COL4A1: variants seen among roughly 807,000 people sequenced by gnomAD.
COL4A1 encodes collagen alpha-1(IV) chain.
Under a neutral mutation model 216.6 loss-of-function variants are expected in COL4A1, and 40 were observed. The ratio of observed to expected loss-of-function variants is 0.18; its 90% CI spans 0.14 to 0.24. The LOEUF is 0.24. COL4A1 is among the 10% of genes least tolerant of loss of function. The pLI, the probability that COL4A1 is intolerant of heterozygous loss-of-function variation, is 1.00. For missense variants in COL4A1, 1,628 were observed against 2,196.8 expected (o/e 0.74, Z 5.18); for synonymous variants, 839 against 810.7 (o/e 1.03, Z -0.59).
intron 24 of COL4A1, among the ~76,000 whole-genome samples, chr13:110,190,151 C>G (rs137950633): frequency 2.0e-5 from 3 of 151,470 alleles, no homozygotes; most frequent in African/African-American, 7.3e-5. Flanking sequence ...ATTCTATTTA[C>G]GGGAGAAATC....
chr13:110,231,374 T>C (rs1254256161), intron 2 of COL4A1, among the ~76,000 whole-genome samples: 1 of 152,104 alleles, frequency 6.6e-6, no homozygotes, highest in Non-Finnish European at 1.5e-5. Context: ...AAACCTGACG[T>C]CAAACAGGGA....
At chr13:110,250,894 T>G (rs1427789660) in intron 1 of COL4A1, among the ~76,000 whole-genome samples, 1 of 152,120 alleles carries the variant, frequency 6.6e-6, no homozygotes, top group Non-Finnish European at 1.5e-5. Flanking sequence ...TGAGAGACAT[T>G]TCGTTCTCTC....
chr13:110,172,156 G>T (rs1001154810), intron 41 of COL4A1, among the ~76,000 whole-genome samples: 3 of 152,218 alleles, frequency 2.0e-5, no homozygotes, highest in African/African-American at 7.2e-5. Flanking sequence ...GTGAGCTCCT[G>T]GCTGCGGCCA....
rs1282862673 is a variant in COL4A1 at position 110,174,862 on chromosome 13, C to T, written c.3199-113G>A. On this transcript the variant is annotated intron_variant, in intron 37 of 51. Coordinates refer to ENST00000375820, the MANE Select transcript of COL4A1 (RefSeq NM_001845.6). ...GTGCAATGAATATTGCATTGCAAAA[C>T]TCCATTTCCAGATTTCTCATCAAAG... 2.3e-5 allele frequency: 24 copies of T among 1,065,904 alleles called. No individual in the cohort carries two copies. The Admixed American group carries it at 3.9e-4, about 17-fold the overall frequency. 66.0% of individuals were successfully genotyped at this position (1,065,904 alleles called of 1,614,324 possible).
intron 39 of COL4A1, 132 bp from the exon 40 acceptor site, chr13:110,174,130 C>T (rs1201528735): frequency 2.0e-6 from 2 of 1,021,188 alleles, no homozygotes; most frequent in African/African-American, 3.2e-5. Flanking sequence ...TTCCTGAGGT[C>T]AGTTCTGACT....
chr13:110,306,198 A>C (rs1644464519), intron 1 of COL4A1, among the ~76,000 whole-genome samples: 2 of 152,260 alleles, frequency 1.3e-5, no homozygotes, highest in Non-Finnish European at 2.9e-5. Flanking sequence ...AACCAAAGGA[A>C]ATGAAAACTA....
intron 1 of COL4A1, among the ~76,000 whole-genome samples, chr13:110,302,754 T>C (rs1884545077): frequency 6.6e-6 from 1 of 152,210 alleles, no homozygotes; most frequent in African/African-American, 2.4e-5. Flanking sequence ...TGCATAAGAA[T>C]GGTAGGAATA....
In COL4A1 at chr13:110,161,207, C is replaced by T; in HGVS notation, c.4625G>A (p.Arg1542Lys). 4 of 1,614,208 alleles carry T rather than the reference C, an allele frequency of 2.5e-6. No individual in the cohort carries two copies. Among genetic ancestry groups the T allele is most frequent in the Non-Finnish European group, 3.4e-6 (4 of 1,180,042 alleles). The change falls in exon 49 of 52, where the codon AGA becomes AAA. Residue 1542 changes from arginine to lysine, a missense_variant. Physicochemically the swap from Arg to Lys is conservative, Grantham distance 26 (BLOSUM62 2). Around this residue, in one of 8 missense-constraint regions of COL4A1, gnomAD observed 254 missense variants for 300.1 expected, o/e 0.85. Transcript: ENST00000375820. ...CTCGACTCACCTACTAATAAATGGTCTTATGTTTTCCCCCGTGATGGGTGC... is the reference window on the plus strand; with the variant it reads ...CTCGACTCACCTACTAATAAATGGTTTTATGTTTTCCCCCGTGATGGGTGC... Reference protein sequence around the residue: ...SMAPITGENIRPFISRCAVCE... With the variant: ...SMAPITGENIKPFISRCAVCE...
At chr13:110,178,560 A>T (rs1364705437) in intron 31 of COL4A1, among the ~76,000 whole-genome samples, 1 of 152,218 alleles carries the variant, frequency 6.6e-6, no homozygotes, top group Non-Finnish European at 1.5e-5. Context: ...GATTATTATG[A>T]TCAAAGGCAA....
At position 110,177,041 on chromosome 13, in the gene COL4A1, C is replaced by T; in HGVS notation, c.2717-4G>A. 1 of 1,613,784 alleles carries T rather than the reference C, an allele frequency of 6.2e-7. No individual in the cohort carries two copies. The highest frequency in any genetic ancestry group is 8.5e-7 in the Non-Finnish European group (1 of 1,180,016). On this transcript the variant is annotated splice_polypyrimidine_tract_variant and splice_region_variant and intron_variant, in intron 33 of 51. Transcript: ENST00000375820. ...GAGCCCGGAAAGCCATGGTCCCCTG[C>T]AGAGGAAAGAGAAGGCACTGGTGAG...
chr13:110,253,644 A>T (rs915451979), intron 1 of COL4A1, among the ~76,000 whole-genome samples: 4 of 145,658 alleles, frequency 2.7e-5, no homozygotes, highest in South Asian at 4.3e-4. Flanking sequence ...GTATGTATGT[A>T]TTACATATAC....
At chr13:110,293,099 T>C (rs575732934) in intron 1 of COL4A1, among the ~76,000 whole-genome samples, 3 of 152,342 alleles carry the variant, frequency 2.0e-5, no homozygotes, top group South Asian at 4.1e-4. Context: ...CTGGATTCCA[T>C]TCAAGGTCAC....
intron 1 of COL4A1, among the ~76,000 whole-genome samples, chr13:110,246,889 G>A (rs1881839237): frequency 6.6e-6 from 1 of 152,114 alleles, no homozygotes; most frequent in Admixed American, 6.5e-5. Context: ...TAACCCGAGT[G>A]GTCATGAGGA....
rs748595524 is a variant in COL4A1 at position 110,162,200 on chromosome 13, A to AACACATCC, written c.4462+29_4462+30insGGATGTGT. On this transcript the variant is annotated intron_variant, in intron 48 of 51. Transcript: ENST00000375820. ...GAAGGCACTCAACACACCTACACTG[A>AACACATCC]ATGAATGCATGGATCTGCAGGCTTC... The AACACATCC allele has an allele frequency of 1.4e-5, 23 of 1,593,516 alleles. No individual in the cohort carries two copies. The East Asian group carries it at 5.1e-4, about 36-fold the overall frequency.
At chr13:110,183,959 C>T (rs1430594421) in intron 26 of COL4A1, among the ~76,000 whole-genome samples, 1 of 152,160 alleles carries the variant, frequency 6.6e-6, no homozygotes, top group Non-Finnish European at 1.5e-5. Flanking sequence ...TCGTACACCT[C>T]GTAAGAGTTC....
intron 1 of COL4A1, among the ~76,000 whole-genome samples, chr13:110,256,508 G>A (rs1882577029): frequency 6.6e-6 from 1 of 152,202 alleles, no homozygotes. Flanking sequence ...AGAACCACAG[G>A]GAGGATGTCA....
chr13:110,306,888 T>G, intron 1 of COL4A1, 56 bp downstream of exon 1: 2 of 1,409,876 alleles, frequency 1.4e-6, no homozygotes, highest in Admixed American at 5.5e-5. Context: ...AAGGGGCCTC[T>G]CGGGGCGCCC....
Position 110,178,087 on chromosome 13 carries a change from G to A in COL4A1, c.2603C>T (p.Ala868Val). 6.2e-7 allele frequency: 1 copy of A among 1,614,144 alleles called. No individual in the cohort carries two copies. Among genetic ancestry groups the A allele is most frequent in the South Asian group, 1.1e-5 (1 of 91,080 alleles). ...GLPGLPGQQG[A>V]PGIPGFPGSK... Reference sequence around the variant, plus strand: ...ACCTGGAAACCCAGGAATCCCAGGAGCCCCCTGCTGTCCAGGAAGGCCAGG... The same window carrying A: ...ACCTGGAAACCCAGGAATCCCAGGAACCCCCTGCTGTCCAGGAAGGCCAGG... Residue 868 changes from alanine to valine, a missense_variant, in exon 32 of 52, where the codon GCT becomes GTT. Coordinates refer to ENST00000375820, the MANE Select transcript of COL4A1 (RefSeq NM_001845.6).
intron 1 of COL4A1, among the ~76,000 whole-genome samples, chr13:110,260,309 C>T (rs528761748): frequency 6.6e-6 from 1 of 152,272 alleles, no homozygotes; most frequent in South Asian, 2.1e-4. Flanking sequence ...GAGACTTATT[C>T]GCTACCAGGA....
Sources: gnomAD v4.1 joint callset for allele counts (sites outside exome capture counted in the v4.1 genomes callset) on GRCh38, gnomAD v4.1.1 for gene constraint, gnomAD v4.1.1 regional missense constraint, MANE v1.5 for transcripts, NCBI Gene and HGNC (gene_info 2026-07-23, HGNC 2026-07-21) for gene names.